Variants in FBXO15 observed in about 807,000 individuals in gnomAD.
FBXO15 encodes F-box protein 15.
FBXO15 carries 30 observed loss-of-function variants against 49.5 expected under a neutral mutation model. The ratio of observed to expected loss-of-function variants is 0.61; its 90% CI spans 0.45 to 0.82. The LOEUF (loss-of-function observed/expected upper bound fraction) is 0.82. Among genes scored for constraint, FBXO15 ranks in the 40% least tolerant of loss-of-function variants. The pLI is 0.00. For missense variants in FBXO15, 591 were observed against 631.5 expected (o/e 0.94, Z 0.69); for synonymous variants, 250 against 232.7 (o/e 1.07, Z -0.68).
intron 8 of FBXO15, among the ~76,000 whole-genome samples, chr18:74,082,630 G>A (rs1360675318): frequency 1.5e-4 from 23 of 152,136 alleles, no homozygotes; most frequent in Admixed American, 1.5e-3. Flanking sequence ...CTGGCCACAC[G>A]GAGGAGCCCT....
At chr18:74,106,668 G>A (rs1463455196) in intron 8 of FBXO15, among the ~76,000 whole-genome samples, 2 of 152,144 alleles carry the variant, frequency 1.3e-5, no homozygotes, top group Non-Finnish European at 2.9e-5. Flanking sequence ...CAATATGGTT[G>A]CTATAAAAAC....
intron 8 of FBXO15, chr18:74,123,095 A>C (rs114060236): frequency 3.8e-4 from 121 of 319,674 alleles, no homozygotes; most frequent in African/African-American, 2.4e-3. Flanking sequence ...TGGAAAAATA[A>C]TAAGGAAGCA....
intron 8 of FBXO15, among the ~76,000 whole-genome samples, chr18:74,102,813 G>A (rs904969016): frequency 3.9e-5 from 6 of 152,142 alleles, no homozygotes; most frequent in Non-Finnish European, 8.8e-5. Flanking sequence ...CAGCAACCTG[G>A]ATGGGACTGG....
intron 8 of FBXO15, among the ~76,000 whole-genome samples, chr18:74,108,609 G>T (rs1913876882): frequency 2.0e-5 from 3 of 150,206 alleles, no homozygotes; most frequent in Admixed American, 1.3e-4. Context: ...ACCATAATAA[G>T]AAGAAAGAGA....
chr18:74,146,936 C>A (rs544166621), intron 1 of FBXO15: 1 of 152,238 alleles, frequency 6.6e-6, no homozygotes, highest in East Asian at 1.9e-4. Context: ...GAATGTAAAC[C>A]ATTCTTGGCA....
intron 8 of FBXO15, among the ~76,000 whole-genome samples, chr18:74,107,103 C>T (rs1019417695): frequency 4.0e-5 from 6 of 151,078 alleles, no homozygotes; most frequent in South Asian, 2.1e-4. Flanking sequence ...ATTTTCAAAT[C>T]GCATATCAAA....
intron 8 of FBXO15, among the ~76,000 whole-genome samples, chr18:74,088,495 A>G (rs1266113170): frequency 6.6e-6 from 1 of 152,164 alleles, no homozygotes; most frequent in African/African-American, 2.4e-5. Flanking sequence ...CTCTTTGTTG[A>G]AGATCAGATG....
intron 8 of FBXO15, among the ~76,000 whole-genome samples, chr18:74,084,892 T>C (rs1374897999): frequency 2.0e-5 from 3 of 152,102 alleles, no homozygotes; most frequent in Non-Finnish European, 2.9e-5. Flanking sequence ...AATATTAACA[T>C]TATGCAGTAG....
chr18:74,114,531 T>C (rs976151166), intron 8 of FBXO15, among the ~76,000 whole-genome samples: 2 of 152,168 alleles, frequency 1.3e-5, no homozygotes, highest in African/African-American at 4.8e-5. Context: ...AAACAAAAGC[T>C]ATACAGAAAA....
chr18:74,132,885 G>A (rs930384656), intron 3 of FBXO15, among the ~76,000 whole-genome samples: 2 of 152,132 alleles, frequency 1.3e-5, no homozygotes, highest in Non-Finnish European at 2.9e-5. Flanking sequence ...TTTTTCTCAC[G>A]CAGAGACAGG....
At position 74,123,544 on chromosome 18, in the gene FBXO15, G is replaced by A. The variant is rs117947401; in HGVS notation, c.996-34C>T. 963 of 1,577,622 alleles carry A rather than the reference G, an allele frequency of 6.1e-4. 11 individuals carry two copies. The East Asian group carries it at 0.019, about 32-fold the overall frequency. ...CAAAACAAAAGAAACATACAAATTT[G>A]TCAACACCAGGGATAAAATTCTTGG... On this transcript the variant is annotated intron_variant, in intron 7 of 9. Coordinates refer to ENST00000419743, the MANE Select transcript of FBXO15 (RefSeq NM_001142958.2).
rs1221510419 is a variant in FBXO15, at chr18:74,124,442, T to C, written c.995+47A>G. On this transcript the variant is annotated intron_variant, in intron 7 of 9. Transcript: ENST00000419743. ...AAGATGGCATCAACTTCTAATACTT[T>C]ATATTTACTGTACAAAAATTCAACA... 5 of 1,473,354 alleles carry C rather than the reference T, an allele frequency of 3.4e-6. No homozygotes were observed. The Admixed American group carries it at 6.8e-5, about 20-fold the overall frequency. 91.3% of individuals were successfully genotyped at this position (1,473,354 alleles called of 1,614,324 possible).
chr18:74,097,692 C>T (rs1913339928), intron 8 of FBXO15: 1 of 152,348 alleles, frequency 6.6e-6, no homozygotes, highest in African/African-American at 2.4e-5. Flanking sequence ...TAGCTGAAGA[C>T]AAAGGGCATA....
chr18:74,129,505 A>G lies in FBXO15; in HGVS notation c.685T>C (p.Tyr229His). 6.2e-7 allele frequency: 1 copy of G among 1,613,912 alleles called. No individual in the cohort carries two copies. Among genetic ancestry groups the G allele is most frequent in the South Asian group, 1.1e-5 (1 of 91,070 alleles). The change falls in exon 5 of 10, where the codon TAT becomes CAT. Residue 229 changes from tyrosine to histidine, a missense_variant. Tyr to His is a moderately conservative substitution (Grantham distance 83, BLOSUM62 2). Transcript: ENST00000419743. Reference protein sequence around the residue: ...INDTSVTVIWYGKKWPCLASL... With the variant: ...INDTSVTVIWHGKKWPCLASL... ...GCTAGGCATGGCCATTTTTTGCCAT[A>G]CCATATAACAGTAACTGATGTGTCA...
At chr18:74,091,604 T>C (rs925218961) in intron 8 of FBXO15, among the ~76,000 whole-genome samples, 1 of 152,156 alleles carries the variant, frequency 6.6e-6, no homozygotes, top group Non-Finnish European at 1.5e-5. Flanking sequence ...CTCTTAGCAT[T>C]TGCTTGTCTG....
chr18:74,104,564 C>T (rs1031017634), intron 8 of FBXO15, among the ~76,000 whole-genome samples: 1 of 151,982 alleles, frequency 6.6e-6, no homozygotes, highest in Non-Finnish European at 1.5e-5. Context: ...CACACGTTTA[C>T]TGAAATGAAA....
intron 9 of FBXO15, among the ~76,000 whole-genome samples, chr18:74,080,995 A>C (rs1912469148): frequency 6.6e-6 from 1 of 152,230 alleles, no homozygotes; most frequent in Non-Finnish European, 1.5e-5. Context: ...AATCTGAAGA[A>C]AAAGAAAGAA....
intron 9 of FBXO15, among the ~76,000 whole-genome samples, chr18:74,080,026 G>A (rs1912424461): frequency 6.6e-6 from 1 of 152,166 alleles, no homozygotes. Context: ...CCTCACCAGA[G>A]GTTGTGTCTA....
chr18:74,146,304 C>G (rs1979406045), intron 1 of FBXO15, among the ~76,000 whole-genome samples: 1 of 152,176 alleles, frequency 6.6e-6, no homozygotes, highest in African/African-American at 2.4e-5. Flanking sequence ...CCTGCTTTGA[C>G]CATAGTCAAT....
Sources: gnomAD v4.1 joint callset for allele counts (sites outside exome capture counted in the v4.1 genomes callset) on GRCh38, gnomAD v4.1.1 for gene constraint, MANE v1.5 for transcripts, NCBI Gene and HGNC (gene_info 2026-07-23, HGNC 2026-07-21) for gene names.